ATP8A2: variants seen among roughly 807,000 people sequenced by gnomAD.
ATP8A2 encodes ATPase phospholipid transporting 8A2.
In ATP8A2, 100 loss-of-function variants were observed where a neutral mutation model predicts 165.6. The observed-to-expected ratio is 0.60, with a 90% CI of 0.51 to 0.71. The LOEUF is 0.71. Among genes scored for constraint, ATP8A2 ranks in the 30% least tolerant of loss-of-function variants. The pLI is 0.00. For missense variants in ATP8A2, 1,227 were observed against 1,479.5 expected (o/e 0.83, Z 2.80); for synonymous variants, 543 against 548.8 (o/e 0.99, Z 0.15).
At chr13:25,533,364 A>G (rs1215572207) in intron 6 of ATP8A2, 51 bp downstream of exon 6, 1 of 1,029,034 alleles carries the variant, frequency 9.7e-7, no homozygotes, top group Admixed American at 1.9e-5. Flanking sequence ...GAAGACGCGT[A>G]ATGAATTGCT....
chr13:25,500,961 G>A (rs565894143), intron 2 of ATP8A2, among the ~76,000 whole-genome samples: 21 of 151,916 alleles, frequency 1.4e-4, no homozygotes, highest in African/African-American at 5.1e-4. Context: ...TTTTTTATTT[G>A]TACGCCTTAT....
At chr13:25,968,384 A>G (rs1955831308) in intron 34 of ATP8A2, among the ~76,000 whole-genome samples, 191 bp from the exon 35 acceptor site, 1 of 152,070 alleles carries the variant, frequency 6.6e-6, no homozygotes, top group Non-Finnish European at 1.5e-5. Flanking sequence ...GGTCTGCAGC[A>G]CTCAGGATAC....
intron 24 of ATP8A2, among the ~76,000 whole-genome samples, chr13:25,602,742 A>C (rs939477882): frequency 6.6e-6 from 1 of 152,154 alleles, no homozygotes; most frequent in Admixed American, 6.5e-5. Flanking sequence ...TGTCATTGGA[A>C]TCTGAGAAGA....
chr13:25,613,969 T>G (rs761912676), intron 24 of ATP8A2, among the ~76,000 whole-genome samples: 1 of 152,200 alleles, frequency 6.6e-6, no homozygotes, highest in Non-Finnish European at 1.5e-5. Context: ...CTCTTAAGAT[T>G]CTTTTCTTTG....
intron 33 of ATP8A2, among the ~76,000 whole-genome samples, chr13:25,948,862 G>A (rs1171251658): frequency 6.6e-6 from 1 of 152,196 alleles, no homozygotes; most frequent in East Asian, 1.9e-4. Flanking sequence ...TGTGGTTTAA[G>A]TCACCCGGTC....
intron 2 of ATP8A2, among the ~76,000 whole-genome samples, chr13:25,473,895 A>G (rs1051854618): frequency 6.6e-6 from 1 of 152,232 alleles, no homozygotes; most frequent in Non-Finnish European, 1.5e-5. Context: ...TCCCCCAGAA[A>G]AATCTTGAAA....
At position 25,990,261 on chromosome 13, in the gene ATP8A2, T is replaced by TAAAAAAAAA. The variant is rs3056351; in HGVS notation, c.3377+21595_3377+21603dup. Among the ~76,000 whole-genome samples the TAAAAAAAAA allele has an allele frequency of 6.5e-5, 7 of 108,360 alleles. 1 individual carries two copies. The highest frequency in any genetic ancestry group is 1.1e-4 in the Non-Finnish European group (6 of 54,388). The allele number at this position is 108,360 out of a possible 152,430, so 71.1% of individuals were successfully genotyped here. On this transcript the variant is annotated intron_variant, in intron 35 of 36. Coordinates refer to ENST00000381655, the MANE Select transcript of ATP8A2 (RefSeq NM_016529.6). Reference sequence around the variant, plus strand: ...GTTTTGGGTGCCAAGCATGTAACTGTAAAAAAAAAAAAAAAAAAAAAGCAA... The same window carrying TAAAAAAAAA: ...GTTTTGGGTGCCAAGCATGTAACTGTAAAAAAAAAAAAAAAAAAAAAAAAAAAAAAGCAA...
At chr13:25,846,930 A>G (rs1248621681) in intron 30 of ATP8A2, among the ~76,000 whole-genome samples, 1 of 152,268 alleles carries the variant, frequency 6.6e-6, no homozygotes. Context: ...ACCATATTTT[A>G]CAGTAAGGTA....
chr13:25,495,347 G>A (rs1171230123), intron 2 of ATP8A2, among the ~76,000 whole-genome samples: 1 of 152,206 alleles, frequency 6.6e-6, no homozygotes, highest in Non-Finnish European at 1.5e-5. Context: ...TGGGTGAGGT[G>A]TTGTGGGGTT....
At chr13:25,986,638 G>A (rs1956284558) in intron 35 of ATP8A2, among the ~76,000 whole-genome samples, 1 of 152,160 alleles carries the variant, frequency 6.6e-6, no homozygotes, top group Admixed American at 6.5e-5. Flanking sequence ...CCATATCTTG[G>A]TTATTGTAAA....
At chr13:25,524,678 A>G (rs1359642891) in intron 2 of ATP8A2, among the ~76,000 whole-genome samples, 2 of 152,052 alleles carry the variant, frequency 1.3e-5, no homozygotes, top group African/African-American at 4.8e-5. Flanking sequence ...TGCATGGAAT[A>G]TCTTTTTCCA....
intron 25 of ATP8A2, among the ~76,000 whole-genome samples, chr13:25,723,361 G>A (rs2043425459): frequency 6.6e-6 from 1 of 152,100 alleles, no homozygotes; most frequent in Non-Finnish European, 1.5e-5. Flanking sequence ...AATATTAAAT[G>A]CTATCTCCTT....
intron 35 of ATP8A2, among the ~76,000 whole-genome samples, chr13:25,979,708 T>C (rs571501270): frequency 6.6e-6 from 1 of 152,234 alleles, no homozygotes; most frequent in East Asian, 1.9e-4. Flanking sequence ...CGGCCTAGAA[T>C]GAGAGAGGGA....
In ATP8A2 at chr13:25,839,390, G is replaced by A. The variant is rs372379792; in HGVS notation, c.2878-156G>A. On this transcript the variant is annotated intron_variant, in intron 29 of 36. Transcript: ENST00000381655. ...TGTAAAAATTAAATAATCGATTTGG[G>A]TGGGTTTTTTTTTTTTCAAATTCAA... 4.6e-5 allele frequency among the ~76,000 whole-genome samples: 7 copies of A among 151,656 alleles called. No homozygotes were observed. In the East Asian group the frequency reaches 7.7e-4, roughly 17 times the overall value.
At chr13:25,679,721 G>A (rs900811390) in intron 24 of ATP8A2, among the ~76,000 whole-genome samples, 1 of 152,306 alleles carries the variant, frequency 6.6e-6, no homozygotes, top group African/African-American at 2.4e-5. Context: ...GGTGGTCATT[G>A]TTAAGGATGA....
At chr13:25,999,644 T>A (rs1467566950) in intron 35 of ATP8A2, among the ~76,000 whole-genome samples, 1 of 152,138 alleles carries the variant, frequency 6.6e-6, no homozygotes, top group East Asian at 1.9e-4. Flanking sequence ...GAGGTCACCT[T>A]AAAGACTGTG....
intron 33 of ATP8A2, among the ~76,000 whole-genome samples, chr13:25,951,917 A>G (rs1166358531): frequency 6.6e-6 from 1 of 152,184 alleles, no homozygotes; most frequent in Non-Finnish European, 1.5e-5. Flanking sequence ...ACCCGCCATC[A>G]GTTGCAGGTG....
intron 24 of ATP8A2, among the ~76,000 whole-genome samples, chr13:25,648,431 C>A (rs548273990): frequency 6.6e-6 from 1 of 151,992 alleles, no homozygotes; most frequent in African/African-American, 2.4e-5. Context: ...TTTGGGAGGT[C>A]GAGGCAGGTG....
intron 2 of ATP8A2, among the ~76,000 whole-genome samples, chr13:25,521,468 G>GT (rs2037669689): frequency 1.3e-5 from 2 of 152,100 alleles, no homozygotes; most frequent in South Asian, 4.2e-4. Context: ...ATGTCCTGGA[G>GT]TATTTCCCCA....
Sources: allele counts gnomAD v4.1 joint callset (sites outside exome capture counted in the v4.1 genomes callset), GRCh38; gene constraint gnomAD v4.1.1; transcripts MANE v1.5; gene names NCBI Gene and HGNC (gene_info 2026-07-23, HGNC 2026-07-21).